PBK: variants seen among roughly 807,000 people sequenced by gnomAD.
PBK encodes the protein PDZ binding kinase.
Under a neutral mutation model 33.5 loss-of-function variants are expected in PBK, and 22 were observed. The ratio of observed to expected loss-of-function variants is 0.66; its 90% CI spans 0.47 to 0.94. The LOEUF (loss-of-function observed/expected upper bound fraction) is 0.94, where lower values mean the gene tolerates loss of function less well. Among genes scored for constraint, PBK ranks in the 40% least tolerant of loss-of-function variants. PBK has a pLI of 0.00. For missense variants in PBK, 376 were observed against 383.4 expected (o/e 0.98, Z 0.16); for synonymous variants, 129 against 123.8 (o/e 1.04, Z -0.28).
intron 6 of PBK, among the ~76,000 whole-genome samples, chr8:27,819,119 TCTG>T (rs1805872524): frequency 6.6e-6 from 1 of 152,178 alleles, no homozygotes; most frequent in African/African-American, 2.4e-5. Flanking sequence ...AAACTTTTTA[TCTG>T]CTCAGGAAGA....
chr8:27,822,087 C>T (rs111430463), intron 5 of PBK, among the ~76,000 whole-genome samples: 1 of 152,106 alleles, frequency 6.6e-6, no homozygotes, highest in Non-Finnish European at 1.5e-5. Context: ...GATGTCCGCA[C>T]GCACAGTGAT....
At chr8:27,816,343 CTATA>C (rs767822258) in intron 6 of PBK, among the ~76,000 whole-genome samples, 3 of 136,370 alleles carry the variant, frequency 2.2e-5, no homozygotes, top group Non-Finnish European at 4.6e-5. Flanking sequence ...TCATCGAATA[CTATA>C]TATATATATA....
At chr8:27,834,828 G>A (rs540366639) in intron 1 of PBK, among the ~76,000 whole-genome samples, 3 of 151,696 alleles carry the variant, frequency 2.0e-5, no homozygotes, top group Non-Finnish European at 4.4e-5. Context: ...CCTGGGAGGC[G>A]GAGGTTGCAG....
chr8:27,835,911 CACTGAGCACATACAATGT>C (rs1806218679), intron 1 of PBK, among the ~76,000 whole-genome samples: 1 of 145,176 alleles, frequency 6.9e-6, no homozygotes, highest in Non-Finnish European at 1.5e-5. Flanking sequence ...AATATGCACA[CACTGAGCACATACAATGT>C]GCTCTAACAG....
chr8:27,828,641 C>T (rs114030085), intron 2 of PBK, among the ~76,000 whole-genome samples: 1,954 of 150,978 alleles, frequency 0.013, 45 homozygotes, highest in African/African-American at 0.045. Flanking sequence ...ATGGCACACA[C>T]CTGTGGTCTC....
intron 6 of PBK, among the ~76,000 whole-genome samples, chr8:27,815,592 A>G (rs1805795230): frequency 6.6e-6 from 1 of 152,204 alleles, no homozygotes; most frequent in Non-Finnish European, 1.5e-5. Context: ...GGATACTTAC[A>G]CCGTTCAGTA....
intron 1 of PBK, among the ~76,000 whole-genome samples, 191 bp from the exon 2 acceptor site, chr8:27,833,324 A>G (rs565121882): frequency 6.6e-6 from 1 of 152,282 alleles, no homozygotes; most frequent in East Asian, 1.9e-4. Context: ...AGCCCGACCA[A>G]TATGGAGAAA....
intron 3 of PBK, among the ~76,000 whole-genome samples, chr8:27,826,572 G>A (rs1372153559): frequency 2.8e-5 from 3 of 108,766 alleles, no homozygotes; most frequent in Admixed American, 8.6e-5. Context: ...CGAGGCGGGC[G>A]GATCACGAGG....
At chr8:27,813,106 G>T (rs1434743494) in intron 6 of PBK, among the ~76,000 whole-genome samples, 1 of 152,152 alleles carries the variant, frequency 6.6e-6, no homozygotes, top group Non-Finnish European at 1.5e-5. Flanking sequence ...AAGAAAATGT[G>T]GCACATATAC....
At chr8:27,830,046 T>C (rs909107540) in intron 2 of PBK, among the ~76,000 whole-genome samples, 3 of 144,500 alleles carry the variant, frequency 2.1e-5, no homozygotes, top group African/African-American at 7.7e-5. Flanking sequence ...CTACTAAAAA[T>C]ACAAAAATTA....
Position 27,820,607 on chromosome 8 carries a change from A to C in PBK, c.553T>G (p.Cys185Gly). 3.2e-6 allele frequency: 5 copies of C among 1,573,130 alleles called. No homozygotes were observed. Among genetic ancestry groups the C allele is most frequent in the Non-Finnish European group, 4.4e-6 (5 of 1,145,182 alleles). The change falls in exon 6 of 8, where the codon TGT (cysteine) becomes GGT (glycine). Residue 185 changes from cysteine to glycine, a missense_variant. Physicochemically the swap from Cys to Gly is radical, Grantham distance 159 (BLOSUM62 -3). Coordinates refer to ENST00000301905, the MANE Select transcript of PBK (RefSeq NM_018492.4). ...AGTGGTAGAGAGACTCCTACATCAC[A>C]GATTTTAATTGTTTCAAAATCGCCT... is the stretch of plus-strand genomic sequence containing the variant. ...IKGDFETIKI[C>G]DVGVSLPLDE...
intron 6 of PBK, among the ~76,000 whole-genome samples, chr8:27,815,913 T>TC (rs1238669275): frequency 6.6e-6 from 1 of 152,226 alleles, no homozygotes; most frequent in Admixed American, 6.5e-5. Context: ...TTTGATGAGA[T>TC]CATAAACTAA....
chr8:27,832,726 A>G (rs969792691), intron 2 of PBK, among the ~76,000 whole-genome samples: 21 of 152,166 alleles, frequency 1.4e-4, no homozygotes, highest in Non-Finnish European at 2.6e-4. Context: ...TCCTTTGTCC[A>G]TTGAGTTGCC....
intron 6 of PBK, chr8:27,811,370 AT>A: frequency 1.7e-6 from 1 of 585,914 alleles, no homozygotes; most frequent in Non-Finnish European, 3.0e-6. Context: ...TCTCTTACAA[AT>A]TAGTAGGAAT....
intron 6 of PBK, among the ~76,000 whole-genome samples, chr8:27,816,038 A>T (rs1805803784): frequency 6.6e-6 from 1 of 152,184 alleles, no homozygotes; most frequent in African/African-American, 2.4e-5. Context: ...CTGAAAAATG[A>T]TGAAACTGGA....
At chr8:27,835,889 A>G (rs998476200) in intron 1 of PBK, among the ~76,000 whole-genome samples, 6 of 151,588 alleles carry the variant, frequency 4.0e-5, no homozygotes, top group African/African-American at 9.7e-5. Context: ...GCTACTCTTC[A>G]TTCACTCAGT....
At chr8:27,834,316 C>T (rs1033756466) in intron 1 of PBK, among the ~76,000 whole-genome samples, 2 of 152,064 alleles carry the variant, frequency 1.3e-5, no homozygotes, top group Non-Finnish European at 2.9e-5. Flanking sequence ...CATAAGCCAC[C>T]GTGCCCGTCC....
chr8:27,829,012 G>A (rs964731497), intron 2 of PBK, among the ~76,000 whole-genome samples: 1 of 152,054 alleles, frequency 6.6e-6, no homozygotes, highest in Non-Finnish European at 1.5e-5. Context: ...GCAGGACAGA[G>A]GTCACATAAT....
chr8:27,831,334 CA>C (rs1806125777), intron 2 of PBK, among the ~76,000 whole-genome samples: 1 of 150,664 alleles, frequency 6.6e-6, no homozygotes, highest in Non-Finnish European at 1.5e-5. Context: ...TTACGGGTGA[CA>C]AAAGGAAACT....
Sources: gnomAD v4.1 joint callset for allele counts (sites outside exome capture counted in the v4.1 genomes callset) on GRCh38, gnomAD v4.1.1 for gene constraint, MANE v1.5 for transcripts, NCBI Gene and HGNC (gene_info 2026-07-23, HGNC 2026-07-21) for gene names.